Variants in CNTNAP2 observed in about 807,000 individuals in gnomAD.
CNTNAP2 encodes the protein contactin associated protein 2.
A neutral mutation model predicts 155.2 loss-of-function variants in CNTNAP2; 98 were observed. The ratio of observed to expected loss-of-function variants is 0.63; its 90% CI spans 0.54 to 0.75. CNTNAP2 has a LOEUF of 0.75. Ranked by LOEUF, CNTNAP2 falls within the 30% of genes least tolerant of loss-of-function variation. CNTNAP2 has a pLI of 0.00. For synonymous variants in CNTNAP2, 651 were observed against 631.2 expected, an observed-to-expected ratio of 1.03 and a Z score of -0.47; for missense variants, 1,727 against 1,688.1, an observed-to-expected ratio of 1.02 and a Z score of -0.40.
At chr7:147,920,462 G>A (rs756467394) in intron 14 of CNTNAP2, among the ~76,000 whole-genome samples, 3 of 151,602 alleles carry the variant, frequency 2.0e-5, no homozygotes, top group East Asian at 2.0e-4. Context: ...TCCAGCCTAC[G>A]AAGAGGATGT....
intron 1 of CNTNAP2, among the ~76,000 whole-genome samples, chr7:146,446,839 A>G (rs1796409365): frequency 6.6e-6 from 1 of 152,002 alleles, no homozygotes; most frequent in Admixed American, 6.6e-5. Context: ...ATTGTTCTAT[A>G]TTCTATAAAG....
At chr7:147,751,016 G>C (rs1424959741) in intron 13 of CNTNAP2, among the ~76,000 whole-genome samples, 1 of 151,882 alleles carries the variant, frequency 6.6e-6, no homozygotes, top group East Asian at 1.9e-4. Flanking sequence ...CTCCAGCCCG[G>C]GGGACACAGC....
Position 146,855,833 on chromosome 7 carries a change from A to G in CNTNAP2, c.402+15929A>G, listed in dbSNP as rs865955284. ...TATATATATATATATATATATATAT[A>G]TATATATATATATATATATACACAC... is the stretch of plus-strand genomic sequence containing the variant. On this transcript the variant is annotated intron_variant, in intron 3 of 23. Transcript: ENST00000361727. Among the ~76,000 whole-genome samples the G allele has an allele frequency of 8.9e-3, 1,225 of 138,220 alleles. 27 individuals carry two copies. Among genetic ancestry groups the G allele is most frequent in the African/African-American group, 0.031 (1,089 of 35,474 alleles). 90.7% of individuals were successfully genotyped at this position (138,220 alleles called of 152,430 possible). A position where few individuals can be genotyped will look rare whatever the true frequency, so the allele number is the denominator to read the frequency against.
rs186705404 is a variant in CNTNAP2, at chr7:146,259,406, C to A, written c.97+142433C>A. ...GAAGGCAGGAAGATGTGGGGAAGGT[C>A]AGAATTTCCTAGAGGTATGTTGAAT... is the stretch of plus-strand genomic sequence containing the variant. On this transcript the variant is annotated intron_variant, in intron 1 of 23. Coordinates refer to ENST00000361727, the MANE Select transcript of CNTNAP2 (RefSeq NM_014141.6). Among the ~76,000 whole-genome samples the A allele has an allele frequency of 6.6e-5, 10 of 152,204 alleles. No homozygotes were observed. In the East Asian group the frequency reaches 1.7e-3, roughly 27 times the overall value.
chr7:146,571,958 A>T (rs1798447716), intron 1 of CNTNAP2, among the ~76,000 whole-genome samples: 1 of 152,080 alleles, frequency 6.6e-6, no homozygotes, highest in African/African-American at 2.4e-5. Context: ...ACCTCAGATG[A>T]TCCCCCCACC....
intron 9 of CNTNAP2, among the ~76,000 whole-genome samples, chr7:147,334,921 A>G (rs1007088828): frequency 6.6e-6 from 1 of 152,168 alleles, no homozygotes; most frequent in Non-Finnish European, 1.5e-5. Context: ...ATGTTTCTTC[A>G]GCGTTTGTTA....
chr7:146,243,577 T>C (rs1799597459), intron 1 of CNTNAP2, among the ~76,000 whole-genome samples: 1 of 152,208 alleles, frequency 6.6e-6, no homozygotes, highest in South Asian at 2.1e-4. Context: ...ATTTTAAATA[T>C]TAATTTTTTC....
chr7:146,172,098 CTTTT>C (rs200060524), intron 1 of CNTNAP2, among the ~76,000 whole-genome samples: 1 of 42,268 alleles, frequency 2.4e-5, no homozygotes, highest in African/African-American at 7.6e-5. Flanking sequence ...GAAGTTTCTT[CTTTT>C]TTTTGTTACC....
intron 3 of CNTNAP2, among the ~76,000 whole-genome samples, chr7:146,910,405 T>C (rs1796246449): frequency 6.7e-6 from 1 of 148,574 alleles, no homozygotes; most frequent in Non-Finnish European, 1.5e-5. Flanking sequence ...CTTCAAAGTA[T>C]ACTACAAGGC....
intron 14 of CNTNAP2, chr7:147,940,405 A>C (rs1012331090): frequency 3.3e-5 from 5 of 152,102 alleles, no homozygotes; most frequent in Non-Finnish European, 7.4e-5. Flanking sequence ...GAAAAAATAA[A>C]AAGCAGAGTA....
At chr7:147,198,777 G>A (rs993113107) in intron 8 of CNTNAP2, among the ~76,000 whole-genome samples, 1 of 151,996 alleles carries the variant, frequency 6.6e-6, no homozygotes, top group Non-Finnish European at 1.5e-5. Flanking sequence ...ATTTATCAAG[G>A]AAAGACTACT....
In CNTNAP2 at chr7:147,617,318, A is replaced by G. The variant is rs1801312309; in HGVS notation, c.1898-21788A>G. 2.0e-5 allele frequency among the ~76,000 whole-genome samples: 3 copies of G among 152,122 alleles called. No homozygotes were observed. In the South Asian group the frequency reaches 6.2e-4, roughly 32 times the overall value. ...TGTAGTCTTAAGCTTAATGTCCTCT[A>G]ACTGCCACTGGACCATAAGCTCATA... On this transcript the variant is annotated intron_variant, in intron 12 of 23. Coordinates refer to ENST00000361727, the MANE Select transcript of CNTNAP2 (RefSeq NM_014141.6).
chr7:148,238,495 C>T (rs978830620), intron 20 of CNTNAP2, among the ~76,000 whole-genome samples: 2 of 152,212 alleles, frequency 1.3e-5, no homozygotes, highest in Non-Finnish European at 2.9e-5. Flanking sequence ...AAGCTCACTC[C>T]TGTTCATTTG....
Position 146,651,496 on chromosome 7 carries a change from A to G in CNTNAP2, c.98-122775A>G, listed in dbSNP as rs867905128. Among the ~76,000 whole-genome samples the G allele has an allele frequency of 3.5e-4, 53 of 151,180 alleles. 1 individual carries two copies. Among genetic ancestry groups the G allele is most frequent in the African/African-American group, 1.2e-3 (48 of 41,502 alleles). On this transcript the variant is annotated intron_variant, in intron 1 of 23. Coordinates refer to ENST00000361727, the MANE Select transcript of CNTNAP2 (RefSeq NM_014141.6). ...TTACGTACTTTGTTATTGATAGTAT[A>G]AACTGGTATGGACATGTGGGGAAAA...
At chr7:147,632,073 C>T (rs971880579) in intron 12 of CNTNAP2, among the ~76,000 whole-genome samples, 3 of 152,116 alleles carry the variant, frequency 2.0e-5, no homozygotes, top group Non-Finnish European at 4.4e-5. Context: ...TCTTTGCACA[C>T]TATGTAGGTG....
intron 11 of CNTNAP2, among the ~76,000 whole-genome samples, chr7:147,499,922 A>G (rs1421279012): frequency 6.6e-6 from 1 of 152,210 alleles, no homozygotes; most frequent in East Asian, 1.9e-4. Flanking sequence ...ATGCATTGCA[A>G]GTGACCCTGA....
At chr7:146,143,404 G>T (rs1797908827) in intron 1 of CNTNAP2, among the ~76,000 whole-genome samples, 2 of 151,962 alleles carry the variant, frequency 1.3e-5, no homozygotes, top group Admixed American at 1.3e-4. Context: ...CCATGAATAA[G>T]GACAAAAACC....
At chr7:147,289,190 CAG>C (rs1010731629) in intron 8 of CNTNAP2, among the ~76,000 whole-genome samples, 17 of 152,060 alleles carry the variant, frequency 1.1e-4, no homozygotes, top group African/African-American at 4.1e-4. Context: ...TACAAATAAA[CAG>C]AGGATTGATA....
intron 12 of CNTNAP2, among the ~76,000 whole-genome samples, chr7:147,613,542 G>A (rs1801226107): frequency 6.6e-6 from 1 of 151,980 alleles, no homozygotes; most frequent in African/African-American, 2.4e-5. Flanking sequence ...CTTTCTTTAA[G>A]AAATAATAGA....
Sources: gnomAD v4.1 joint callset for allele counts (sites outside exome capture counted in the v4.1 genomes callset) on GRCh38, gnomAD v4.1.1 for gene constraint, MANE v1.5 for transcripts, NCBI Gene and HGNC (gene_info 2026-07-23, HGNC 2026-07-21) for gene names.